Variants in BPGM observed in about 807,000 individuals in gnomAD.
BPGM encodes bisphosphoglycerate mutase.
A neutral mutation model predicts 21.6 loss-of-function variants in BPGM; 15 were observed. The observed-to-expected ratio is 0.70, with a 90% CI of 0.47 to 1.07. The LOEUF (loss-of-function observed/expected upper bound fraction) is 1.07. BPGM is among the 50% of genes least tolerant of loss of function. BPGM has a pLI of 0.00. For missense variants in BPGM, 273 were observed against 319.0 expected (o/e 0.86, Z 1.10); for synonymous variants, 113 against 116.2 (o/e 0.97, Z 0.18).
At chr7:134,659,747 C>T (rs1025728889) in intron 1 of BPGM, among the ~76,000 whole-genome samples, 2 of 152,186 alleles carry the variant, frequency 1.3e-5, no homozygotes, top group Admixed American at 6.5e-5. Flanking sequence ...AGCCTTTCAA[C>T]TTCAGTCATG....
At chr7:134,666,657 T>C (rs778581889) in intron 2 of BPGM, among the ~76,000 whole-genome samples, 46 of 152,204 alleles carry the variant, frequency 3.0e-4, no homozygotes, top group Non-Finnish European at 5.9e-4. Context: ...ATGGAGTTCT[T>C]AGATGTTGCT....
At chr7:134,665,919 C>T (rs1795813539) in intron 2 of BPGM, among the ~76,000 whole-genome samples, 1 of 151,358 alleles carries the variant, frequency 6.6e-6, no homozygotes, top group South Asian at 2.1e-4. Context: ...GCTGTGTTGC[C>T]CAGGCTGGAA....
chr7:134,662,814 A>G (rs965472741), intron 2 of BPGM, among the ~76,000 whole-genome samples: 14 of 152,210 alleles, frequency 9.2e-5, no homozygotes, highest in Non-Finnish European at 1.9e-4. Context: ...AATTTTAACT[A>G]CTTTATGTCA....
intron 2 of BPGM, among the ~76,000 whole-genome samples, chr7:134,673,258 T>C (rs1358288470): frequency 6.6e-6 from 1 of 152,242 alleles, no homozygotes; most frequent in Non-Finnish European, 1.5e-5. Context: ...CCAGTCTAAG[T>C]ATTTTAAATA....
chr7:134,653,271 C>T (rs1795584360), intron 1 of BPGM, among the ~76,000 whole-genome samples: 1 of 152,110 alleles, frequency 6.6e-6, no homozygotes, highest in South Asian at 2.1e-4. Context: ...AAAAAATTTG[C>T]TATTTGGTGG....
At position 134,665,181 on chromosome 7, in the gene BPGM, CA is replaced by C. The variant is rs200290005; in HGVS notation, c.601+3076del. The stretch of plus-strand genomic sequence containing the variant: ...TGGCCTAGAAAACAGTGGGGGGTGG[CA>C]AACATACGGAAGTGATAACAAAACT... On this transcript the variant is annotated intron_variant, in intron 2 of 2. Transcript: ENST00000344924. 6.9e-3 allele frequency among the ~76,000 whole-genome samples: 1,048 copies of C among 151,894 alleles called. 9 individuals are homozygous for C. The highest frequency in any genetic ancestry group is 0.014 in the Middle Eastern group (4 of 294).
At position 134,661,076 on chromosome 7, in the gene BPGM, G is replaced by A. The variant is rs1178852741; in HGVS notation, c.-61-371G>A. 6.6e-6 allele frequency among the ~76,000 whole-genome samples: 1 copy of A among 152,192 alleles called. No homozygotes were observed. The highest frequency in any genetic ancestry group is 1.5e-5 in the Non-Finnish European group (1 of 68,018). On this transcript the variant is annotated intron_variant, in intron 1 of 2. Coordinates refer to ENST00000344924, the MANE Select transcript of BPGM (RefSeq NM_001724.5). This position sits in a 1 kb window ranked among gnomAD's most constrained non-coding sequence, Gnocchi z 4.6. The stretch of plus-strand genomic sequence containing the variant: ...TAGAGTCAGCTGCTGGGAGCTGGGA[G>A]TTCCCAGCCACTAGTCATTCTTTCA...
chr7:134,664,683 A>C (rs1795786852), intron 2 of BPGM, among the ~76,000 whole-genome samples: 1 of 152,240 alleles, frequency 6.6e-6, no homozygotes, highest in Non-Finnish European at 1.5e-5. Context: ...CACAATAGAC[A>C]AAAGATGGAA....
At position 134,661,317 on chromosome 7, in the gene BPGM, T is replaced by G; in HGVS notation, c.-61-130T>G. Reference sequence around the variant, plus strand: ...ATATGCCTGTATGTGTCACAGTGTATGAGTTATCACATTTCTGACTGTTCA... The same window carrying G: ...ATATGCCTGTATGTGTCACAGTGTAGGAGTTATCACATTTCTGACTGTTCA... On this transcript the variant is annotated intron_variant, in intron 1 of 2. Transcript: ENST00000344924. The surrounding 1 kb of genome is among the most constrained non-coding windows in gnomAD (Gnocchi z 4.6). 4.9e-5 allele frequency: 34 copies of G among 700,554 alleles called. No individual in the cohort carries two copies. Among genetic ancestry groups the G allele is most frequent in the Non-Finnish European group, 6.8e-5 (29 of 423,916 alleles). The allele number at this position is 700,554 out of a possible 1,614,324, so 43.4% of individuals were successfully genotyped here.
chr7:134,651,329 G>A (rs891213338), intron 1 of BPGM, among the ~76,000 whole-genome samples: 16 of 152,244 alleles, frequency 1.1e-4, no homozygotes, highest in African/African-American at 3.1e-4. Flanking sequence ...CTATTTGTCC[G>A]TGAGTTGTAC....
chr7:134,665,649 G>GAAAAAAAAAAAAAAAAAAAAAAAAATA (rs1164169964), intron 2 of BPGM, among the ~76,000 whole-genome samples: 5 of 78,246 alleles, frequency 6.4e-5, no homozygotes, highest in Admixed American at 1.5e-4. Context: ...AAAAATTAAT[G>GAAAAAAAAAAAAAAAAAAAAAAAAATA]AAAAAAAAAA....
intron 2 of BPGM, among the ~76,000 whole-genome samples, chr7:134,668,793 C>T (rs1795857880): frequency 6.6e-6 from 1 of 152,196 alleles, no homozygotes; most frequent in Non-Finnish European, 1.5e-5. Context: ...TGAACCTCAG[C>T]TGCATTTTGC....
chr7:134,654,591 C>T (rs557589928), intron 1 of BPGM, among the ~76,000 whole-genome samples: 37 of 152,146 alleles, frequency 2.4e-4, no homozygotes, highest in Non-Finnish European at 4.6e-4. Flanking sequence ...CAGGTGAGCA[C>T]TCTGTGAATG....
chr7:134,648,131 G>GTT (rs139722217), intron 1 of BPGM, among the ~76,000 whole-genome samples: 50 of 145,314 alleles, frequency 3.4e-4, no homozygotes, highest in African/African-American at 1.2e-3. Flanking sequence ...CTTTTGTTTT[G>GTT]GTTTTTTTTT....
intron 2 of BPGM, among the ~76,000 whole-genome samples, chr7:134,671,263 C>T (rs1477617207): frequency 6.6e-6 from 1 of 152,024 alleles, no homozygotes; most frequent in Non-Finnish European, 1.5e-5. Context: ...AGCTTTTAAC[C>T]TCTTTCTGAA....
intron 2 of BPGM, among the ~76,000 whole-genome samples, chr7:134,663,212 G>C (rs1361314642): frequency 6.6e-6 from 1 of 152,214 alleles, no homozygotes; most frequent in Non-Finnish European, 1.5e-5. Flanking sequence ...TAAAAATGAA[G>C]TAATCTTTAG....
At chr7:134,655,128 G>A (rs1486729861) in intron 1 of BPGM, among the ~76,000 whole-genome samples, 1 of 152,122 alleles carries the variant, frequency 6.6e-6, no homozygotes, top group Non-Finnish European at 1.5e-5. Context: ...CCAGGTACAG[G>A]TTGGTGAGCT....
chr7:134,660,748 ACT>A (rs1210779433), intron 1 of BPGM: 3 of 151,168 alleles, frequency 2.0e-5, no homozygotes, highest in African/African-American at 4.9e-5. Context: ...CCTGCTGAAA[ACT>A]CTATCTTGAG....
chr7:134,648,196 C>T (rs997994187), intron 1 of BPGM, among the ~76,000 whole-genome samples: 5 of 148,328 alleles, frequency 3.4e-5, no homozygotes, highest in Non-Finnish European at 3.0e-5. Flanking sequence ...AGTGCAATGG[C>T]GCGATATTGG....
Sources: gnomAD v4.1 joint callset for allele counts (sites outside exome capture counted in the v4.1 genomes callset) on GRCh38, gnomAD v4.1.1 for gene constraint, Gnocchi (gnomAD v3.1) non-coding constraint, MANE v1.5 for transcripts, NCBI Gene and HGNC (gene_info 2026-07-23, HGNC 2026-07-21) for gene names.